SLC24A3: variants seen among roughly 807,000 people sequenced by gnomAD.
SLC24A3 encodes the protein sodium/potassium/calcium exchanger 3.
A neutral mutation model predicts 75.8 loss-of-function variants in SLC24A3; 28 were observed. The ratio of observed to expected loss-of-function variants is 0.37; its 90% CI spans 0.27 to 0.51. The LOEUF (loss-of-function observed/expected upper bound fraction) is 0.51. SLC24A3 is among the 20% of genes least tolerant of loss of function. The pLI, the probability that SLC24A3 is intolerant of heterozygous loss-of-function variation, is 0.94. For missense variants in SLC24A3, 663 were observed against 847.8 expected (o/e 0.78, Z 2.71); for synonymous variants, 372 against 334.1 (o/e 1.11, Z -1.24).
At chr20:19,482,007 C>T (rs1180823795) in intron 2 of SLC24A3, among the ~76,000 whole-genome samples, 1 of 152,226 alleles carries the variant, frequency 6.6e-6, no homozygotes, top group African/African-American at 2.4e-5. Flanking sequence ...CACATCTCCA[C>T]TGCAGAGCCA....
chr20:19,292,096 G>T (rs1324003294), intron 2 of SLC24A3, among the ~76,000 whole-genome samples: 1 of 152,228 alleles, frequency 6.6e-6, no homozygotes, highest in African/African-American at 2.4e-5. Context: ...TGGGCTGTGG[G>T]ACCCTGGACC....
intron 2 of SLC24A3, among the ~76,000 whole-genome samples, chr20:19,376,253 T>C (rs977601397): frequency 1.3e-5 from 2 of 152,226 alleles, no homozygotes; most frequent in African/African-American, 2.4e-5. Context: ...TTAATGAAAC[T>C]GCCAACTTGG....
intron 2 of SLC24A3, among the ~76,000 whole-genome samples, chr20:19,458,379 A>C (rs2122491570): frequency 6.6e-6 from 1 of 152,292 alleles, no homozygotes; most frequent in South Asian, 2.1e-4. Flanking sequence ...GTAAATACAA[A>C]ATTTGCCGTC....
At chr20:19,247,904 G>T (rs1982542138) in intron 1 of SLC24A3, among the ~76,000 whole-genome samples, 1 of 152,120 alleles carries the variant, frequency 6.6e-6, no homozygotes, top group African/African-American at 2.4e-5. Flanking sequence ...GTGGTTTGGG[G>T]TTAGTGCTTA....
At chr20:19,619,832 T>A (rs189751457) in intron 6 of SLC24A3, among the ~76,000 whole-genome samples, 26 of 152,340 alleles carry the variant, frequency 1.7e-4, no homozygotes, top group African/African-American at 6.3e-4. Context: ...AGACCAAGTC[T>A]GATTATGAGA....
chr20:19,488,964 C>T (rs771024700), intron 2 of SLC24A3, among the ~76,000 whole-genome samples: 11 of 152,126 alleles, frequency 7.2e-5, no homozygotes, highest in Admixed American at 1.3e-4. Context: ...TTGGGATTTT[C>T]GGATTAGGGA....
At chr20:19,655,935 TGTCTC>T in intron 7 of SLC24A3, among the ~76,000 whole-genome samples, 1 of 152,180 alleles carries the variant, frequency 6.6e-6, no homozygotes, top group Non-Finnish European at 1.5e-5. Flanking sequence ...GTTGGTTCAG[TGTCTC>T]TTAAGAGCCC....
At chr20:19,442,707 G>A (rs1987316455) in intron 2 of SLC24A3, among the ~76,000 whole-genome samples, 1 of 152,070 alleles carries the variant, frequency 6.6e-6, no homozygotes, top group South Asian at 2.1e-4. Context: ...ATTTAATGAA[G>A]TTCAATTTAT....
At chr20:19,571,531 A>T (rs1469292227) in intron 3 of SLC24A3, among the ~76,000 whole-genome samples, 1 of 152,204 alleles carries the variant, frequency 6.6e-6, no homozygotes, top group African/African-American at 2.4e-5. Flanking sequence ...ATTTCTCCAG[A>T]GATGGCAAAT....
At chr20:19,363,122 C>T (rs1204444106) in intron 2 of SLC24A3, among the ~76,000 whole-genome samples, 1 of 152,188 alleles carries the variant, frequency 6.6e-6, no homozygotes, top group Non-Finnish European at 1.5e-5. Context: ...TCCTGCTGCT[C>T]GTCACTCCAT....
chr20:19,596,280 G>C (rs1387359084), intron 6 of SLC24A3, among the ~76,000 whole-genome samples: 1 of 152,190 alleles, frequency 6.6e-6, no homozygotes, highest in Non-Finnish European at 1.5e-5. Flanking sequence ...AGTGGTTGCT[G>C]TCTTTAGAAT....
chr20:19,707,363 C>A (rs939690878), intron 15 of SLC24A3, among the ~76,000 whole-genome samples: 9 of 152,142 alleles, frequency 5.9e-5, no homozygotes, highest in African/African-American at 2.2e-4. Context: ...AAGCAAGAGA[C>A]TACAGAAAAA....
At chr20:19,663,443 ATCCTCCTCCACTTCCT>A (rs2032359733) in intron 7 of SLC24A3, among the ~76,000 whole-genome samples, 3 of 13,734 alleles carry the variant, frequency 2.2e-4, no homozygotes, top group African/African-American at 1.2e-3. Context: ...CCGCCTTCTC[ATCCTCCTCCACTTCCT>A]CCTCCTCCTC....
At chr20:19,436,878 A>G (rs1380163506) in intron 2 of SLC24A3, among the ~76,000 whole-genome samples, 1 of 152,122 alleles carries the variant, frequency 6.6e-6, no homozygotes, top group Non-Finnish European at 1.5e-5. Context: ...CTTTTGATCA[A>G]TTTCTGCAGC....
intron 6 of SLC24A3, among the ~76,000 whole-genome samples, chr20:19,601,526 C>A (rs942580315): frequency 2.0e-5 from 3 of 152,182 alleles, no homozygotes; most frequent in Non-Finnish European, 4.4e-5. Flanking sequence ...CCCATGCTCC[C>A]CCTTCTGACT....
chr20:19,228,901 G>A (rs936738300), intron 1 of SLC24A3, among the ~76,000 whole-genome samples: 1 of 152,092 alleles, frequency 6.6e-6, no homozygotes, highest in African/African-American at 2.4e-5. Context: ...TTGGTGTCAG[G>A]ATCACACTAA....
intron 6 of SLC24A3, among the ~76,000 whole-genome samples, chr20:19,638,798 G>A (rs1008813830): frequency 5.9e-5 from 9 of 152,118 alleles, no homozygotes; most frequent in African/African-American, 1.2e-4. Flanking sequence ...AGACCCTCGC[G>A]GTGAGTGTTA....
At chr20:19,331,699 A>G (rs1985004235) in intron 2 of SLC24A3, among the ~76,000 whole-genome samples, 1 of 152,220 alleles carries the variant, frequency 6.6e-6, no homozygotes, top group African/African-American at 2.4e-5. Context: ...GCATTGGTCC[A>G]TCTCAGGCCC....
intron 2 of SLC24A3, among the ~76,000 whole-genome samples, chr20:19,412,804 G>A (rs923719802): frequency 6.6e-6 from 1 of 152,140 alleles, no homozygotes; most frequent in Non-Finnish European, 1.5e-5. Flanking sequence ...CTTCATTTGT[G>A]CAGTAACAGC....
Sources: allele counts gnomAD v4.1 joint callset (sites outside exome capture counted in the v4.1 genomes callset), GRCh38; gene constraint gnomAD v4.1.1; transcripts MANE v1.5; gene names NCBI Gene and HGNC (gene_info 2026-07-23, HGNC 2026-07-21).